TJP2: variants seen among roughly 807,000 people sequenced by gnomAD.
TJP2 encodes Friedreich ataxia region gene X104 (tight junction protein ZO-2).
TJP2 carries 91 observed loss-of-function variants against 133.1 expected under a neutral mutation model. The ratio of observed to expected loss-of-function variants is 0.68; its 90% confidence interval spans 0.58 to 0.81. The LOEUF (loss-of-function observed/expected upper bound fraction) is 0.81, where lower values mean the gene tolerates loss of function less well. Among genes scored for constraint, TJP2 ranks in the 40% least tolerant of loss-of-function variants. The probability of loss-of-function intolerance (pLI) is 0.00; values close to 1 mark genes in which losing one functional copy is unlikely to be tolerated. For missense variants in TJP2, 1,541 were observed against 1,565.6 expected (o/e 0.98, Z 0.26); for synonymous variants, 592 against 583.4 (o/e 1.01, Z -0.21).
chr9:69,161,510 A>G (rs1315254129), intron 2 of TJP2, among the ~76,000 whole-genome samples: 1 of 152,102 alleles, frequency 6.6e-6, no homozygotes, highest in African/African-American at 2.4e-5. Context: ...TACAGGCATG[A>G]GCCACTGCGC....
In TJP2 at chr9:69,221,020, G is replaced by T; in HGVS notation, c.476G>T (p.Ser159Ile). ...TTCCGGAGTGGCTACAGCGAGAGGA[G>T]CCGGCTGAACAGCCATGGGGGGCGC... ...RSFRSGYSER[S>I]RLNSHGGRSR... Residue 159 changes from serine to isoleucine, a missense_variant, in exon 5 of 23, where the codon AGC becomes ATC. Coordinates refer to ENST00000377245, the MANE Select transcript of TJP2 (RefSeq NM_004817.4). The T allele has an allele frequency of 6.2e-7, 1 of 1,610,250 alleles. No individual in the cohort carries two copies. Among genetic ancestry groups the T allele is most frequent in the Non-Finnish European group, 8.5e-7 (1 of 1,178,940 alleles).
At chr9:69,222,940 G>A (rs1284528048) in intron 5 of TJP2, among the ~76,000 whole-genome samples, 3 of 152,050 alleles carry the variant, frequency 2.0e-5, no homozygotes, top group Non-Finnish European at 4.4e-5. Context: ...GTGGTGGTGG[G>A]TGCCTGTAAT....
chr9:69,145,255 A>G (rs1464041177), intron 1 of TJP2, among the ~76,000 whole-genome samples: 1 of 152,186 alleles, frequency 6.6e-6, no homozygotes, highest in Admixed American at 6.5e-5. Context: ...AGAGAGAGAT[A>G]TTTGTAGAAA....
intron 2 of TJP2, among the ~76,000 whole-genome samples, chr9:69,215,130 A>G (rs1295204142): frequency 6.6e-6 from 1 of 152,142 alleles, no homozygotes; most frequent in African/African-American, 2.4e-5. Context: ...ACACACAGAC[A>G]CAAGGACAGG....
Position 69,240,032 on chromosome 9 carries a change from C to T in TJP2, c.2451C>T (p.Ser817=). The part of the protein sequence containing the change: ...FPIVIFFNPD[S]RQGVKTMRQR... ...TTGTGATTTTTTTCAACCCAGACTCCAGACAAGGTGTCAAAACCATGAGAC... is the reference window on the plus strand; with the variant it reads ...TTGTGATTTTTTTCAACCCAGACTCTAGACAAGGTGTCAAAACCATGAGAC... Residue 817 remains serine, a synonymous_variant, in exon 17 of 23, where the codon TCC becomes TCT. Transcript: ENST00000377245. 9 of 1,614,044 alleles carry T rather than the reference C, an allele frequency of 5.6e-6. No individual in the cohort carries two copies. Among genetic ancestry groups the T allele is most frequent in the Non-Finnish European group, 7.6e-6 (9 of 1,180,022 alleles).
chr9:69,143,254 TA>T (rs1823082419), intron 1 of TJP2, among the ~76,000 whole-genome samples: 1 of 152,240 alleles, frequency 6.6e-6, no homozygotes, highest in African/African-American at 2.4e-5. Flanking sequence ...AATGAAACTT[TA>T]AAACATCCCA....
chr9:69,147,122 C>T (rs1823247949), intron 1 of TJP2, among the ~76,000 whole-genome samples: 1 of 152,120 alleles, frequency 6.6e-6, no homozygotes, highest in African/African-American at 2.4e-5. Flanking sequence ...TGCTGTTCAG[C>T]CAGGGCTGTG....
rs762373542 is a variant in TJP2 at position 69,226,061 on chromosome 9, G to A, written c.1096G>A (p.Ala366Thr). 3 of 1,614,128 alleles carry A rather than the reference G, an allele frequency of 1.9e-6. No individual in the cohort carries two copies. In the South Asian group the frequency reaches 3.3e-5, roughly 18 times the overall value. ...AACTGAGAACATGTCTTTAACGGAT[G>A]CTCGAAAATTGATAGAAAAGTCAAG... ...TVTENMSLTD[A>T]RKLIEKSRGK... Residue 366 changes from alanine (A) to threonine (T), a missense_variant, in exon 7 of 23, where the codon GCT (alanine) becomes ACT (threonine). Coordinates refer to ENST00000377245, the MANE Select transcript of TJP2 (RefSeq NM_004817.4).
chr9:69,209,179 C>G (rs1388990786), intron 1 of TJP2, among the ~76,000 whole-genome samples: 2 of 152,158 alleles, frequency 1.3e-5, no homozygotes, highest in African/African-American at 4.8e-5. Context: ...GAGTCTCACT[C>G]TGGAGTGCAG....
In TJP2 at chr9:69,229,247, A is replaced by G; in HGVS notation, c.1517A>G (p.Tyr506Cys). 2 of 1,613,658 alleles carry G rather than the reference A, an allele frequency of 1.2e-6. No homozygotes were observed. The highest frequency in any genetic ancestry group is 8.5e-7 in the Non-Finnish European group (1 of 1,179,666). ...LRPSPEDEAI[Y>C]GPNTKMVRFK... ...CCTAGTCCTGAAGATGAAGCAATAT[A>G]TGGGTATGTATTTCCGTCTCTCTTT... The change falls in exon 10 of 23, where the codon TAT becomes TGT. Residue 506 changes from tyrosine (Y) to cysteine (C), a missense_variant. Transcript: ENST00000377245.
chr9:69,235,301 T>TTATG (rs1830096788), intron 12 of TJP2, among the ~76,000 whole-genome samples: 1 of 49,626 alleles, frequency 2.0e-5, no homozygotes, highest in Non-Finnish European at 3.8e-5. Context: ...AATTTTTTAT[T>TTATG]TATTTATTTA....
At chr9:69,183,437 A>T (rs904801336) in intron 1 of TJP2, among the ~76,000 whole-genome samples, 3 of 152,186 alleles carry the variant, frequency 2.0e-5, no homozygotes, top group Non-Finnish European at 2.9e-5. Flanking sequence ...AAATAAAATC[A>T]ACATTTTATG....
At chr9:69,211,909 G>A (rs1827942728) in intron 1 of TJP2, among the ~76,000 whole-genome samples, 1 of 152,034 alleles carries the variant, frequency 6.6e-6, no homozygotes, top group Non-Finnish European at 1.5e-5. Context: ...GGCATTTCTA[G>A]CTTTCTCACA....
At chr9:69,222,006 G>C (rs1828914781) in intron 5 of TJP2, among the ~76,000 whole-genome samples, 1 of 151,442 alleles carries the variant, frequency 6.6e-6, no homozygotes, top group African/African-American at 2.4e-5. Flanking sequence ...CTAGTAGCTG[G>C]GATCACAGGC....
At chr9:69,199,724 C>A (rs1183220187) in intron 1 of TJP2, among the ~76,000 whole-genome samples, 2 of 152,176 alleles carry the variant, frequency 1.3e-5, no homozygotes, top group Non-Finnish European at 2.9e-5. Context: ...TCTTTCCTTT[C>A]TCCCTCCTTT....
chr9:69,167,808 T>C (rs892612625), intron 2 of TJP2, among the ~76,000 whole-genome samples: 3 of 148,418 alleles, frequency 2.0e-5, no homozygotes, highest in Non-Finnish European at 3.0e-5. Flanking sequence ...GCAGAGGTTA[T>C]GGTGAGCCAA....
intron 3 of TJP2, 113 bp from the exon 4 acceptor site, chr9:69,218,144 G>A (rs548516655): frequency 6.9e-6 from 6 of 873,088 alleles, no homozygotes; most frequent in South Asian, 1.4e-5. Flanking sequence ...TAGACACTGA[G>A]CCCTTTAGAA....
In TJP2 at chr9:69,237,860, CCTTT is replaced by C. The variant is rs2133393753; in HGVS notation, c.2180-14_2180-11del. 1 of 1,579,980 alleles carries C rather than the reference CCTTT, an allele frequency of 6.3e-7. No individual in the cohort carries two copies. Among genetic ancestry groups the C allele is most frequent in the East Asian group, 2.2e-5 (1 of 44,654 alleles). On this transcript the variant is annotated splice_polypyrimidine_tract_variant and intron_variant, in intron 14 of 22. Coordinates refer to ENST00000377245, the MANE Select transcript of TJP2 (RefSeq NM_004817.4). ...TAGGCAAGTGTGTATGCTTTAATGG[CCTTT>C]CTTGTCATTTCAGCTGGTTTCAAGA...
intron 2 of TJP2, among the ~76,000 whole-genome samples, chr9:69,215,462 G>A (rs1196953578): frequency 6.6e-6 from 1 of 150,434 alleles, no homozygotes. Context: ...TTGGCTTGTT[G>A]AAGCCTTGAC....
Sources: allele counts gnomAD v4.1 joint callset (sites outside exome capture counted in the v4.1 genomes callset), GRCh38; gene constraint gnomAD v4.1.1; transcripts MANE v1.5; gene names NCBI Gene and HGNC (gene_info 2026-07-23, HGNC 2026-07-21).